LRRC4C: variants seen among roughly 807,000 people sequenced by gnomAD.
LRRC4C encodes the protein leucine-rich repeat-containing protein 4C.
In LRRC4C, 5 loss-of-function variants were observed where a neutral mutation model predicts 33.6. The ratio of observed to expected loss-of-function variants is 0.15; its 90% CI spans 0.08 to 0.31. The LOEUF (loss-of-function observed/expected upper bound fraction) is 0.31. Ranked by LOEUF, LRRC4C falls within the 10% of genes least tolerant of loss-of-function variation. The probability of loss-of-function intolerance (pLI) is 1.00; values close to 1 mark genes in which losing one functional copy is unlikely to be tolerated. For synonymous variants in LRRC4C, 329 were observed against 302.0 expected (o/e 1.09, Z -0.93); for missense variants, 560 against 796.7 (o/e 0.70, Z 3.58).
intron 6 of LRRC4C, among the ~76,000 whole-genome samples, chr11:40,133,907 C>T (rs1856810086): frequency 6.6e-6 from 1 of 152,182 alleles, no homozygotes; most frequent in South Asian, 2.1e-4. Context: ...AAGCACAATG[C>T]TCATTTCTTG....
intron 1 of LRRC4C, among the ~76,000 whole-genome samples, chr11:41,411,175 G>A (rs1412571926): frequency 2.7e-5 from 1 of 36,954 alleles, no homozygotes; most frequent in Non-Finnish European, 4.4e-5. Context: ...TTGAGATGGA[G>A]TCTTGCTCTG....
chr11:40,758,663 A>C (rs998315348), intron 2 of LRRC4C, among the ~76,000 whole-genome samples: 2 of 152,044 alleles, frequency 1.3e-5, no homozygotes, highest in Non-Finnish European at 2.9e-5. Context: ...AAAAAGGAAG[A>C]TGTAAAAGGT....
At chr11:40,694,594 T>C (rs887110261) in intron 2 of LRRC4C, among the ~76,000 whole-genome samples, 6 of 152,248 alleles carry the variant, frequency 3.9e-5, no homozygotes, top group Admixed American at 1.3e-4. Context: ...TGTTTTTCTT[T>C]TTATTGACTC....
intron 5 of LRRC4C, among the ~76,000 whole-genome samples, chr11:40,176,478 G>A (rs1310773391): frequency 6.6e-6 from 1 of 151,646 alleles, no homozygotes; most frequent in African/African-American, 2.4e-5. Flanking sequence ...ATTAAAGCAA[G>A]GGATAAAATA....
At chr11:41,309,977 T>C (rs369597154) in intron 1 of LRRC4C, among the ~76,000 whole-genome samples, 138 of 152,346 alleles carry the variant, frequency 9.1e-4, no homozygotes, top group African/African-American at 3.2e-3. Flanking sequence ...GTTGATTTCC[T>C]ATCTGCCCTT....
intron 1 of LRRC4C, among the ~76,000 whole-genome samples, chr11:41,152,479 T>A (rs1186794494): frequency 2.6e-5 from 4 of 152,178 alleles, no homozygotes; most frequent in Non-Finnish European, 4.4e-5. Context: ...GAGATTCAAC[T>A]ATTGAATCAG....
chr11:40,487,615 A>C (rs1590889203), intron 3 of LRRC4C, among the ~76,000 whole-genome samples: 1 of 151,754 alleles, frequency 6.6e-6, no homozygotes, highest in East Asian at 1.9e-4. Flanking sequence ...CTAGTAAAAC[A>C]GATTTTAAAA....
At chr11:40,743,403 A>T (rs569899386) in intron 2 of LRRC4C, among the ~76,000 whole-genome samples, 1 of 152,086 alleles carries the variant, frequency 6.6e-6, no homozygotes, top group African/African-American at 2.4e-5. Flanking sequence ...TCAAGGTCAG[A>T]GGTCTAAAAT....
intron 5 of LRRC4C, among the ~76,000 whole-genome samples, chr11:40,168,860 G>A (rs1859813965): frequency 1.3e-5 from 2 of 152,114 alleles, no homozygotes; most frequent in Non-Finnish European, 2.9e-5. Flanking sequence ...GGGCAGGTAG[G>A]CAAAAATCAA....
In LRRC4C at chr11:40,186,895, T is replaced by A. The variant is rs567258443; in HGVS notation, c.-95-46042A>T. On this transcript the variant is annotated intron_variant, in intron 5 of 6. Coordinates refer to ENST00000528697, the MANE Select transcript of LRRC4C (RefSeq NM_001258419.2). ...TGCACCCTACCACTTGATCTCTCTG[T>A]GTGGCTGGGGCCCCTCTGTCAGGAA... 7.3e-4 allele frequency among the ~76,000 whole-genome samples: 111 copies of A among 152,258 alleles called. 2 individuals are homozygous for A. Among genetic ancestry groups the A allele is most frequent in the Non-Finnish European group, 4.4e-5 (3 of 68,012 alleles).
At chr11:40,381,998 C>T (rs1361861468) in intron 3 of LRRC4C, among the ~76,000 whole-genome samples, 1 of 141,930 alleles carries the variant, frequency 7.0e-6, no homozygotes, top group East Asian at 2.1e-4. Context: ...GCTCTGTCGC[C>T]CAGGCTGGAG....
intron 1 of LRRC4C, among the ~76,000 whole-genome samples, chr11:41,109,393 A>G (rs1476175714): frequency 6.6e-6 from 1 of 152,216 alleles, no homozygotes; most frequent in Non-Finnish European, 1.5e-5. Context: ...AGAAATTGTC[A>G]TGATGGAGAT....
At chr11:40,469,524 G>T (rs897601851) in intron 3 of LRRC4C, among the ~76,000 whole-genome samples, 14 of 152,222 alleles carry the variant, frequency 9.2e-5, no homozygotes, top group Admixed American at 9.2e-4. Context: ...GAATACCAGC[G>T]AGACAGAACT....
chr11:40,664,096 C>T (rs991248411), intron 2 of LRRC4C, among the ~76,000 whole-genome samples: 1 of 152,086 alleles, frequency 6.6e-6, no homozygotes. Context: ...TTTCTGCATA[C>T]ATAGGAGAAA....
In LRRC4C at chr11:40,399,389, T is replaced by C. The variant is rs368273452; in HGVS notation, c.-269-79668A>G. ...TGAGTTCATGTCCTTTGTAGGGACA[T>C]GGATGAAACTGGAAATCATCATTCT... is the stretch of plus-strand genomic sequence containing the variant. On this transcript the variant is annotated intron_variant, in intron 3 of 6. Coordinates refer to ENST00000528697, the MANE Select transcript of LRRC4C (RefSeq NM_001258419.2). 1.6e-4 allele frequency among the ~76,000 whole-genome samples: 24 copies of C among 152,212 alleles called. 1 individual carries two copies. The East Asian group carries it at 2.5e-3, about 16-fold the overall frequency.
chr11:40,526,284 A>C (rs1956045765), intron 3 of LRRC4C, among the ~76,000 whole-genome samples: 1 of 152,302 alleles, frequency 6.6e-6, no homozygotes, highest in South Asian at 2.1e-4. Context: ...TTAAAGGAGC[A>C]AAGGGGAAGA....
intron 1 of LRRC4C, among the ~76,000 whole-genome samples, chr11:41,372,132 G>A (rs565804679): frequency 6.6e-6 from 1 of 152,174 alleles, no homozygotes; most frequent in Non-Finnish European, 1.5e-5. Flanking sequence ...GCGACTGAGC[G>A]AGACTCCGTC....
At chr11:40,135,473 G>T (rs147352161) in intron 6 of LRRC4C, among the ~76,000 whole-genome samples, 24 of 152,192 alleles carry the variant, frequency 1.6e-4, no homozygotes, top group African/African-American at 5.8e-4. Context: ...TATTCACTTT[G>T]CCTGCAATGC....
chr11:40,205,488 T>G (rs914762645), intron 5 of LRRC4C, among the ~76,000 whole-genome samples: 3 of 152,148 alleles, frequency 2.0e-5, no homozygotes, highest in Admixed American at 2.0e-4. Flanking sequence ...CTAGTAATTT[T>G]TTTTCTAGAC....
Sources: allele counts gnomAD v4.1 joint callset (sites outside exome capture counted in the v4.1 genomes callset), GRCh38; gene constraint gnomAD v4.1.1; transcripts MANE v1.5; gene names NCBI Gene and HGNC (gene_info 2026-07-23, HGNC 2026-07-21).